Variants in CDH18 observed in about 807,000 individuals in gnomAD.
The protein encoded by CDH18 is cadherin-18.
A neutral mutation model predicts 67.9 loss-of-function variants in CDH18; 31 were observed. That is an observed-to-expected ratio of 0.46 (90% CI 0.34 to 0.62). The LOEUF is 0.62. Ranked by LOEUF, CDH18 falls within the 20% of genes least tolerant of loss-of-function variation. The pLI is 0.01. For missense variants in CDH18, 890 were observed against 975.5 expected (o/e 0.91, Z 1.17); for synonymous variants, 362 against 347.2 (o/e 1.04, Z -0.48).
chr5:19,802,903 G>C (rs1257697504), intron 3 of CDH18, among the ~76,000 whole-genome samples: 1 of 152,226 alleles, frequency 6.6e-6, no homozygotes, highest in East Asian at 1.9e-4. Context: ...CATGGGCAAT[G>C]GTCTGGCCCA....
intron 2 of CDH18, among the ~76,000 whole-genome samples, chr5:19,935,094 T>C (rs1224609636): frequency 1.3e-5 from 2 of 151,358 alleles, no homozygotes; most frequent in East Asian, 3.9e-4. Flanking sequence ...TGTTCTTTCA[T>C]TGTTAGCTGA....
chr5:19,605,862 A>C (rs1747952774), intron 6 of CDH18, among the ~76,000 whole-genome samples: 1 of 152,144 alleles, frequency 6.6e-6, no homozygotes, highest in Non-Finnish European at 1.5e-5. Context: ...TGAGAAATTG[A>C]GGACAAAAGC....
chr5:20,087,887 T>C (rs1745109751), intron 2 of CDH18, among the ~76,000 whole-genome samples: 1 of 152,102 alleles, frequency 6.6e-6, no homozygotes, highest in African/African-American at 2.4e-5. Context: ...CAAACTCCTG[T>C]AACAAGATGG....
intron 5 of CDH18, among the ~76,000 whole-genome samples, chr5:19,654,690 C>T (rs1756085524): frequency 6.6e-6 from 1 of 152,142 alleles, no homozygotes. Flanking sequence ...CTCTTGGTAC[C>T]CAGGTTCTTG....
chr5:20,107,607 T>C (rs572733508), intron 2 of CDH18, among the ~76,000 whole-genome samples: 1 of 152,264 alleles, frequency 6.6e-6, no homozygotes, highest in South Asian at 2.1e-4. Flanking sequence ...GATTTTCTTA[T>C]AGTTCTAGTG....
At chr5:19,543,797 GC>G (rs1735823090) in intron 9 of CDH18, 71 bp downstream of exon 9, 1 of 1,103,034 alleles carries the variant, frequency 9.1e-7, no homozygotes, top group East Asian at 2.4e-5. Flanking sequence ...TGAGAGCCCT[GC>G]TCTTAAGGAA....
chr5:20,237,110 A>G (rs979298066), intron 2 of CDH18, among the ~76,000 whole-genome samples: 3 of 152,036 alleles, frequency 2.0e-5, no homozygotes, highest in Non-Finnish European at 2.9e-5. Flanking sequence ...AGGGGCTTTA[A>G]TAAAACCCAC....
At chr5:20,562,266 T>C (rs1308340947) in intron 1 of CDH18, among the ~76,000 whole-genome samples, 2 of 151,834 alleles carry the variant, frequency 1.3e-5, no homozygotes, top group African/African-American at 4.8e-5. Flanking sequence ...TCAAGAGTTT[T>C]AAAGTTGCTT....
At chr5:19,492,581 TTTG>T (rs1741642697) in intron 11 of CDH18, among the ~76,000 whole-genome samples, 1 of 152,154 alleles carries the variant, frequency 6.6e-6, no homozygotes, top group Admixed American at 6.5e-5. Context: ...TTCATACTTT[TTTG>T]TTGTTTTAGA....
chr5:19,995,406 T>C (rs951986280), intron 2 of CDH18, among the ~76,000 whole-genome samples: 10 of 152,044 alleles, frequency 6.6e-5, no homozygotes, highest in Admixed American at 6.6e-4. Context: ...GTGTATCTGG[T>C]ACAATAAATG....
At chr5:19,529,404 TCAGA>T (rs1442373544) in intron 9 of CDH18, among the ~76,000 whole-genome samples, 1 of 151,980 alleles carries the variant, frequency 6.6e-6, no homozygotes, top group East Asian at 1.9e-4. Context: ...ATCCCAAGGA[TCAGA>T]AATAAACAGA....
intron 1 of CDH18, among the ~76,000 whole-genome samples, chr5:20,295,872 CTTT>C (rs35024141): frequency 3.6e-5 from 4 of 109,976 alleles, no homozygotes; most frequent in Non-Finnish European, 1.8e-5. Context: ...TCTTTTTTTT[CTTT>C]TTTTTTTTTT....
intron 1 of CDH18, among the ~76,000 whole-genome samples, chr5:20,521,220 G>A (rs1240674089): frequency 6.6e-6 from 1 of 152,090 alleles, no homozygotes; most frequent in African/African-American, 2.4e-5. Flanking sequence ...GCAAATTCTG[G>A]ACATATTGAA....
intron 2 of CDH18, among the ~76,000 whole-genome samples, chr5:20,178,508 A>C (rs1051252638): frequency 1.3e-5 from 2 of 151,470 alleles, no homozygotes; most frequent in Non-Finnish European, 2.9e-5. Flanking sequence ...TTAAGAAAAA[A>C]AAAAACATGA....
chr5:20,538,097 A>C (rs1395572513), intron 1 of CDH18, among the ~76,000 whole-genome samples: 1 of 119,912 alleles, frequency 8.3e-6, no homozygotes, highest in Non-Finnish European at 1.9e-5. Context: ...TGCCAATAGA[A>C]AGAGGGAAGT....
intron 3 of CDH18, among the ~76,000 whole-genome samples, chr5:19,759,154 T>A (rs544718752): frequency 6.6e-6 from 1 of 152,328 alleles, no homozygotes; most frequent in East Asian, 1.9e-4. Context: ...AAACCACATC[T>A]GGTACAGCAG....
intron 1 of CDH18, among the ~76,000 whole-genome samples, chr5:20,378,143 T>A (rs753952581): frequency 6.6e-6 from 1 of 152,178 alleles, no homozygotes; most frequent in South Asian, 2.1e-4. Flanking sequence ...TCTTCTCAGT[T>A]AACGTCATTA....
At chr5:19,924,339 T>C (rs1029159072) in intron 2 of CDH18, among the ~76,000 whole-genome samples, 1 of 152,144 alleles carries the variant, frequency 6.6e-6, no homozygotes, top group African/African-American at 2.4e-5. Context: ...CTTTAGCTTT[T>C]TAAAAATAGG....
chr5:19,950,986 A>G (rs2089556), intron 2 of CDH18, among the ~76,000 whole-genome samples: 92,116 of 151,958 alleles, frequency 0.61, 28,375 homozygotes, highest in Middle Eastern at 0.73. Flanking sequence ...CTTTGGTTCA[A>G]TGGCAGTGAT....
Sources: allele counts gnomAD v4.1 joint callset (sites outside exome capture counted in the v4.1 genomes callset), GRCh38; gene constraint gnomAD v4.1.1; transcripts MANE v1.5; gene names NCBI Gene and HGNC (gene_info 2026-07-23, HGNC 2026-07-21).